The following PPP2R2B variants were observed in gnomAD, a reference collection of about 807,000 sequenced individuals.
PPP2R2B encodes serine/threonine-protein phosphatase 2A 55 kDa regulatory subunit B beta isoform.
A neutral mutation model predicts 46.0 loss-of-function variants in PPP2R2B; 5 were observed. That is an observed-to-expected ratio of 0.11 (90% CI 0.06 to 0.23). The LOEUF (loss-of-function observed/expected upper bound fraction) is 0.23, where lower values mean the gene tolerates loss of function less well. Among genes scored for constraint, PPP2R2B ranks in the 10% least tolerant of loss-of-function variants. PPP2R2B has a pLI of 1.00. For missense variants in PPP2R2B, 367 were observed against 575.0 expected (o/e 0.64, Z 3.70); for synonymous variants, 215 against 206.7 (o/e 1.04, Z -0.34).
At chr5:146,718,499 T>G (rs1468865793) in intron 2 of PPP2R2B, among the ~76,000 whole-genome samples, 1 of 152,218 alleles carries the variant, frequency 6.6e-6, no homozygotes, top group Non-Finnish European at 1.5e-5. Context: ...TGGTTTTCAG[T>G]TGAATTGAGT....
chr5:146,865,890 T>C (rs1169612433), intron 2 of PPP2R2B, among the ~76,000 whole-genome samples: 1 of 152,158 alleles, frequency 6.6e-6, no homozygotes, highest in African/African-American at 2.4e-5. Flanking sequence ...CCTCCCCACT[T>C]AACCACTTCT....
intron 5 of PPP2R2B, among the ~76,000 whole-genome samples, chr5:146,687,349 T>A (rs1309449978): frequency 6.6e-6 from 1 of 152,098 alleles, no homozygotes; most frequent in African/African-American, 2.4e-5. Context: ...AAAGCTTGGT[T>A]CTCAGCCCTG....
At chr5:146,952,619 G>T (rs1414214494) in intron 1 of PPP2R2B, among the ~76,000 whole-genome samples, 1 of 152,108 alleles carries the variant, frequency 6.6e-6, no homozygotes, top group Non-Finnish European at 1.5e-5. Context: ...CCTATGTTCT[G>T]CCAACAATGT....
chr5:146,653,987 A>G lies in PPP2R2B; in HGVS notation c.448-3263T>C, dbSNP rs545990704. Among the ~76,000 whole-genome samples the G allele has an allele frequency of 4.6e-5, 7 of 152,274 alleles. No individual in the cohort carries two copies. In the South Asian group the frequency reaches 8.3e-4, roughly 18 times the overall value. ...GGTTCAAGCAGGACACGATGGACCG[A>G]TTAGGAAACCACATTGCGACTGTGT... On this transcript the variant is annotated intron_variant, in intron 5 of 9. Transcript: ENST00000394411.
chr5:146,863,268 G>T (rs922884967), intron 2 of PPP2R2B, among the ~76,000 whole-genome samples: 1 of 152,104 alleles, frequency 6.6e-6, no homozygotes, highest in African/African-American at 2.4e-5. Flanking sequence ...TAGGAAAAGG[G>T]ATTAGAAATT....
intron 1 of PPP2R2B, among the ~76,000 whole-genome samples, chr5:147,035,518 A>C (rs553121977): frequency 6.6e-6 from 1 of 152,304 alleles, no homozygotes; most frequent in African/African-American, 2.4e-5. Flanking sequence ...ACAACCCACT[A>C]ATAAGTAGAC....
At chr5:146,907,274 C>T (rs919816752) in intron 1 of PPP2R2B, among the ~76,000 whole-genome samples, 5 of 152,058 alleles carry the variant, frequency 3.3e-5, no homozygotes, top group East Asian at 1.9e-4. Flanking sequence ...TTTGCACAAG[C>T]GAGCTGGGGG....
chr5:147,060,845 T>C (rs1014685277), upstream of PPP2R2B, among the ~76,000 whole-genome samples: 6 of 152,118 alleles, frequency 3.9e-5, no homozygotes, highest in African/African-American at 1.4e-4. Context: ...AAGGTAAAAA[T>C]TGGACTTTTT....
chr5:146,921,472 G>A (rs553819325), intron 1 of PPP2R2B, among the ~76,000 whole-genome samples: 19 of 152,308 alleles, frequency 1.2e-4, no homozygotes, highest in East Asian at 3.9e-4. Context: ...TAGAGCACAC[G>A]TGCTTATGCA....
chr5:146,947,948 T>G (rs1246519120), intron 1 of PPP2R2B, among the ~76,000 whole-genome samples: 1 of 151,644 alleles, frequency 6.6e-6, no homozygotes, highest in Non-Finnish European at 1.5e-5. Context: ...GTAAAGGGAT[T>G]CCTAATGAAG....
At chr5:147,038,308 T>A (rs1240728779) in intron 1 of PPP2R2B, among the ~76,000 whole-genome samples, 1 of 152,162 alleles carries the variant, frequency 6.6e-6, no homozygotes, top group African/African-American at 2.4e-5. Flanking sequence ...ATAAAAGCTA[T>A]GAAAAATCAG....
rs371540157 is a variant in PPP2R2B at position 146,593,081 on chromosome 5, G to A, written c.961-19C>T. On this transcript the variant is annotated intron_variant, in intron 8 of 9. Coordinates refer to ENST00000394411, the MANE Select transcript of PPP2R2B (RefSeq NM_181675.4). ...CATGAACCTGGAGAGGAAACATATC[G>A]AGAAGGTCAGTTATTATTTTAAACA... The A allele has an allele frequency of 9.5e-5, 148 of 1,560,788 alleles. 1 individual carries two copies. In the African/African-American group the frequency reaches 1.8e-3, roughly 19 times the overall value.
chr5:146,829,426 TG>T (rs1758784344), intron 2 of PPP2R2B, among the ~76,000 whole-genome samples: 1 of 152,160 alleles, frequency 6.6e-6, no homozygotes, highest in South Asian at 2.1e-4. Flanking sequence ...TATTAAAAAA[TG>T]GGTAAGTGTT....
In PPP2R2B at chr5:146,923,573, T is replaced by C. The variant is rs141309195; in HGVS notation, c.79+132092A>G. Among the ~76,000 whole-genome samples, 9 of 152,322 alleles carry C rather than the reference T, an allele frequency of 5.9e-5. No individual in the cohort carries two copies. The East Asian group carries it at 1.7e-3, about 29-fold the overall frequency. On this transcript the variant is annotated intron_variant, in intron 1 of 8. Transcript: ENST00000336640. ...CTAGTGGGTTTGTCGGAAGCCCTTCTTGGGTTTCACAAATACTAAACATTT... is the reference window on the plus strand; with the variant it reads ...CTAGTGGGTTTGTCGGAAGCCCTTCCTGGGTTTCACAAATACTAAACATTT...
At chr5:146,824,322 AGT>A (rs2307633) in intron 2 of PPP2R2B, among the ~76,000 whole-genome samples, 25,289 of 152,128 alleles carry the variant, frequency 0.17, 2,404 homozygotes, top group African/African-American at 0.26. Flanking sequence ...TCACATTGGT[AGT>A]GAGTTTGCCT....
intron 2 of PPP2R2B, among the ~76,000 whole-genome samples, chr5:146,726,843 G>C (rs574578920): frequency 6.6e-6 from 1 of 152,182 alleles, no homozygotes; most frequent in Non-Finnish European, 1.5e-5. Flanking sequence ...AGGATGCATA[G>C]AGGGCCATAT....
At chr5:146,768,256 T>C (rs1258664399) in intron 2 of PPP2R2B, among the ~76,000 whole-genome samples, 3 of 152,038 alleles carry the variant, frequency 2.0e-5, no homozygotes, top group African/African-American at 4.8e-5. Context: ...TTATTTTTTG[T>C]AGAGACAGTG....
intron 2 of PPP2R2B, among the ~76,000 whole-genome samples, chr5:147,061,768 C>G (rs1022336715): frequency 1.3e-5 from 2 of 152,044 alleles, no homozygotes; most frequent in African/African-American, 2.4e-5. Context: ...AGAAAAAAAG[C>G]CCAGTGCCTC....
At chr5:146,667,357 C>A (rs1357748042) in intron 5 of PPP2R2B, among the ~76,000 whole-genome samples, 1 of 142,810 alleles carries the variant, frequency 7.0e-6, no homozygotes, top group Admixed American at 7.0e-5. Flanking sequence ...CACACACACA[C>A]ACACACACAC....
Sources: gnomAD v4.1 joint callset for allele counts (sites outside exome capture counted in the v4.1 genomes callset) on GRCh38, gnomAD v4.1.1 for gene constraint, MANE v1.5 for transcripts, NCBI Gene and HGNC (gene_info 2026-07-23, HGNC 2026-07-21) for gene names.